The following PDE4D variants were observed in gnomAD, a reference collection of about 807,000 sequenced individuals.
The protein encoded by PDE4D is 3',5'-cyclic-AMP phosphodiesterase 4D.
A neutral mutation model predicts 87.4 loss-of-function variants in PDE4D; 24 were observed. The observed-to-expected ratio is 0.27, with a 90% CI of 0.20 to 0.39. PDE4D has a LOEUF of 0.39. Ranked by LOEUF, PDE4D falls within the 10% of genes least tolerant of loss-of-function variation. The pLI is 1.00. For missense variants in PDE4D, 714 were observed against 1,041.0 expected (o/e 0.69, Z 4.32); for synonymous variants, 384 against 383.2 (o/e 1.00, Z -0.02).
chr5:59,662,559 C>A (rs2150292744), intron 1 of PDE4D, among the ~76,000 whole-genome samples: 1 of 152,286 alleles, frequency 6.6e-6, no homozygotes, highest in Admixed American at 6.5e-5. Flanking sequence ...GAGAATTAAA[C>A]ATCATTTGTA....
chr5:60,219,737 A>T lies in PDE4D; in HGVS notation c.-89-34050T>A, dbSNP rs1309683763. On this transcript the variant is annotated intron_variant, in intron 1 of 16. Coordinates refer to the PDE4D transcript ENST00000502484. ...GCATCTAAACTAAGGCCGGGACCTTAGATATGGCAAGAAAAGGATATTTTA... is the reference window on the plus strand; with the variant it reads ...GCATCTAAACTAAGGCCGGGACCTTTGATATGGCAAGAAAAGGATATTTTA... 2.0e-5 allele frequency among the ~76,000 whole-genome samples: 3 copies of T among 152,204 alleles called. No homozygotes were observed. In the East Asian group the frequency reaches 5.8e-4, roughly 29 times the overall value.
At chr5:59,222,580 T>C (rs1206464243) in intron 1 of PDE4D, among the ~76,000 whole-genome samples, 1 of 152,170 alleles carries the variant, frequency 6.6e-6, no homozygotes, top group African/African-American at 2.4e-5. Flanking sequence ...TCTTGCTGAA[T>C]GTCGCTGGGA....
chr5:60,105,371 CAAATCTA>C (rs1776767811), intron 2 of PDE4D, among the ~76,000 whole-genome samples: 1 of 152,008 alleles, frequency 6.6e-6, no homozygotes, highest in Admixed American at 6.5e-5. Flanking sequence ...GTGAAAAGAC[CAAATCTA>C]TGTCGGATTG....
At chr5:59,850,853 G>T (rs1042663171) in intron 1 of PDE4D, among the ~76,000 whole-genome samples, 3 of 152,020 alleles carry the variant, frequency 2.0e-5, no homozygotes, top group Non-Finnish European at 4.4e-5. Context: ...GCATGACAGA[G>T]AATGGAAATA....
At chr5:60,503,544 A>G (rs1215568849) in intron 1 of PDE4D, among the ~76,000 whole-genome samples, 4 of 151,832 alleles carry the variant, frequency 2.6e-5, no homozygotes, top group Non-Finnish European at 5.9e-5. Context: ...TCTGTCCTTT[A>G]TTATATGAAA....
intron 1 of PDE4D, among the ~76,000 whole-genome samples, chr5:60,306,605 T>G (rs1754523256): frequency 6.6e-6 from 1 of 152,040 alleles, no homozygotes; most frequent in Admixed American, 6.6e-5. Flanking sequence ...AGTAGAACTC[T>G]GCAAGAGTAA....
chr5:59,213,877 C>T (rs1750631928), intron 2 of PDE4D, among the ~76,000 whole-genome samples: 1 of 152,038 alleles, frequency 6.6e-6, no homozygotes, highest in African/African-American at 2.4e-5. Context: ...CAAACCAATT[C>T]ATCACCTGTT....
At chr5:60,458,780 G>A (rs1434163774) in intron 1 of PDE4D, among the ~76,000 whole-genome samples, 1 of 152,090 alleles carries the variant, frequency 6.6e-6, no homozygotes, top group East Asian at 1.9e-4. Context: ...TACTTATGCT[G>A]CAATCCATAA....
rs1037296578 is a variant in PDE4D, at chr5:59,420,090, G to A, written c.456-204122C>T. Reference sequence around the variant, plus strand: ...CTATCTCTCCCATTTTACTTAGCACGTGTATTTGAATTTGCATCGGTAAGT... The same window carrying A: ...CTATCTCTCCCATTTTACTTAGCACATGTATTTGAATTTGCATCGGTAAGT... On this transcript the variant is annotated intron_variant, in intron 1 of 14. Coordinates refer to ENST00000340635, the MANE Select transcript of PDE4D (RefSeq NM_001104631.2). Among the ~76,000 whole-genome samples, 5 of 152,114 alleles carry A rather than the reference G, an allele frequency of 3.3e-5. No individual in the cohort carries two copies. The East Asian group carries it at 5.8e-4, about 18-fold the overall frequency.
chr5:60,183,049 G>T (rs1784502014), intron 2 of PDE4D, among the ~76,000 whole-genome samples: 1 of 152,092 alleles, frequency 6.6e-6, no homozygotes, highest in Non-Finnish European at 1.5e-5. Context: ...CCTAATGATG[G>T]GATTAGTGAC....
At chr5:60,472,157 A>T (rs1747863331) in intron 1 of PDE4D, among the ~76,000 whole-genome samples, 1 of 152,178 alleles carries the variant, frequency 6.6e-6, no homozygotes, top group Non-Finnish European at 1.5e-5. Flanking sequence ...TGCTTACTAT[A>T]TGTCAGAATG....
intron 1 of PDE4D, among the ~76,000 whole-genome samples, chr5:60,229,840 G>T (rs1233369304): frequency 6.6e-6 from 1 of 152,096 alleles, no homozygotes; most frequent in South Asian, 2.1e-4. Flanking sequence ...TTCCACAGCT[G>T]CAAGCATAGC....
chr5:59,074,930 T>C (rs996360009), intron 5 of PDE4D, among the ~76,000 whole-genome samples: 2 of 152,164 alleles, frequency 1.3e-5, no homozygotes, highest in African/African-American at 4.8e-5. Context: ...AGTTCCTTAC[T>C]TCTCACTATT....
At chr5:59,698,011 C>A (rs1196267727) in intron 1 of PDE4D, among the ~76,000 whole-genome samples, 1 of 152,124 alleles carries the variant, frequency 6.6e-6, no homozygotes, top group Non-Finnish European at 1.5e-5. Flanking sequence ...CTCTCTCAAG[C>A]AGTTTAGTCT....
At chr5:60,508,439 T>G (rs769080241) in intron 1 of PDE4D, among the ~76,000 whole-genome samples, 5 of 152,214 alleles carry the variant, frequency 3.3e-5, no homozygotes, top group African/African-American at 4.8e-5. Context: ...AAAGAGGATT[T>G]TATTTAGAGT....
intron 1 of PDE4D, among the ~76,000 whole-genome samples, chr5:59,739,500 T>C (rs1758552737): frequency 6.6e-6 from 1 of 152,152 alleles, no homozygotes; most frequent in South Asian, 2.1e-4. Flanking sequence ...CAATTCACAA[T>C]AGAAAATTCT....
chr5:60,478,224 C>T (rs1375182195), intron 1 of PDE4D, among the ~76,000 whole-genome samples: 1 of 152,124 alleles, frequency 6.6e-6, no homozygotes, highest in South Asian at 2.1e-4. Context: ...CTTTTTAAAA[C>T]ATTTGAAAAC....
rs573295331 is a variant in PDE4D at position 59,297,362 on chromosome 5, A to C, written c.456-81394T>G. ...ATCCCAATGATTAAATCTACTATCT[A>C]TTTAGAATATTATCACATACTTAGG... On this transcript the variant is annotated intron_variant, in intron 1 of 14. Transcript: ENST00000340635. 1.3e-4 allele frequency among the ~76,000 whole-genome samples: 20 copies of C among 152,308 alleles called. No individual in the cohort carries two copies. In the South Asian group the frequency reaches 3.9e-3, roughly 30 times the overall value.
intron 2 of PDE4D, among the ~76,000 whole-genome samples, chr5:60,153,926 G>T (rs1051414336): frequency 6.6e-6 from 1 of 152,176 alleles, no homozygotes; most frequent in East Asian, 1.9e-4. Flanking sequence ...ATAAGTCCTA[G>T]AGATTGTCAA....
Sources: allele counts gnomAD v4.1 joint callset (sites outside exome capture counted in the v4.1 genomes callset), GRCh38; gene constraint gnomAD v4.1.1; transcripts MANE v1.5; gene names NCBI Gene and HGNC (gene_info 2026-07-23, HGNC 2026-07-21).